The following MDGA2 variants were observed in gnomAD, a reference collection of about 807,000 sequenced individuals.
MDGA2 encodes the protein MAM domain-containing glycosylphosphatidylinositol anchor protein 2.
MDGA2 carries 40 observed loss-of-function variants against 117.8 expected under a neutral mutation model. That is an observed-to-expected ratio of 0.34 (90% CI 0.26 to 0.44). The LOEUF is 0.44. MDGA2 is among the 20% of genes least tolerant of loss of function. The probability of loss-of-function intolerance (pLI) is 1.00; values close to 1 mark genes in which losing one functional copy is unlikely to be tolerated. For synonymous variants in MDGA2, 452 were observed against 439.0 expected, an observed-to-expected ratio of 1.03 and a Z score of -0.37; for missense variants, 1,123 against 1,250.6, an observed-to-expected ratio of 0.90 and a Z score of 1.54.
intron 10 of MDGA2, among the ~76,000 whole-genome samples, chr14:46,912,296 T>G (rs1595039508): frequency 6.6e-6 from 1 of 152,196 alleles, no homozygotes; most frequent in Non-Finnish European, 1.5e-5. Context: ...CTTCTTAGTT[T>G]CCATACAAAT....
At chr14:47,121,086 ACT>A (rs1051545004) in intron 5 of MDGA2, among the ~76,000 whole-genome samples, 39 of 152,152 alleles carry the variant, frequency 2.6e-4, no homozygotes, top group African/African-American at 8.9e-4. Context: ...GGGGGGAAAA[ACT>A]CACTCATTTA....
chr14:46,872,513 A>C (rs1442125990), intron 14 of MDGA2, among the ~76,000 whole-genome samples: 1 of 151,910 alleles, frequency 6.6e-6, no homozygotes, highest in East Asian at 1.9e-4. Context: ...TTCATTATTT[A>C]GAATTTTGTC....
chr14:47,053,828 C>T (rs180830824), intron 7 of MDGA2, among the ~76,000 whole-genome samples: 30 of 151,828 alleles, frequency 2.0e-4, no homozygotes, highest in South Asian at 1.9e-3. Flanking sequence ...GGTTATTTCG[C>T]TTCTCTCTGC....
At chr14:47,534,359 T>C (rs1474156365) in intron 1 of MDGA2, among the ~76,000 whole-genome samples, 1 of 152,174 alleles carries the variant, frequency 6.6e-6, no homozygotes, top group East Asian at 1.9e-4. Context: ...GCAGCTGTAT[T>C]AGTCCATTCT....
chr14:47,573,342 T>C (rs1896056367), intron 1 of MDGA2, among the ~76,000 whole-genome samples: 1 of 152,168 alleles, frequency 6.6e-6, no homozygotes, highest in Non-Finnish European at 1.5e-5. Flanking sequence ...CATAGACTAT[T>C]ACTAGCTCTG....
intron 1 of MDGA2, among the ~76,000 whole-genome samples, chr14:47,392,966 G>A (rs1891929953): frequency 6.6e-6 from 1 of 151,896 alleles, no homozygotes; most frequent in Admixed American, 6.6e-5. Flanking sequence ...GGAAATATCA[G>A]ATCAGACCAG....
At chr14:47,652,206 C>T (rs1202708251) in intron 1 of MDGA2, among the ~76,000 whole-genome samples, 1 of 152,154 alleles carries the variant, frequency 6.6e-6, no homozygotes, top group African/African-American at 2.4e-5. Flanking sequence ...ATATAATTAT[C>T]TGCTAGAAAG....
chr14:47,307,613 G>A (rs1889495067), intron 1 of MDGA2, among the ~76,000 whole-genome samples: 3 of 152,054 alleles, frequency 2.0e-5, no homozygotes, highest in African/African-American at 4.8e-5. Context: ...CCCAGGAGGC[G>A]GAGGTTGCAG....
At chr14:47,050,643 C>T (rs1444328878) in intron 7 of MDGA2, among the ~76,000 whole-genome samples, 1 of 151,982 alleles carries the variant, frequency 6.6e-6, no homozygotes, top group Non-Finnish European at 1.5e-5. Flanking sequence ...TGTATCCACT[C>T]CAGTTGCAGT....
intron 2 of MDGA2, among the ~76,000 whole-genome samples, chr14:47,249,170 A>G (rs1887359910): frequency 6.6e-6 from 1 of 151,758 alleles, no homozygotes; most frequent in East Asian, 1.9e-4. Flanking sequence ...GGCACGCACC[A>G]CCATGCCCAG....
At chr14:47,367,068 T>C (rs1403915795) in intron 1 of MDGA2, among the ~76,000 whole-genome samples, 1 of 152,114 alleles carries the variant, frequency 6.6e-6, no homozygotes, top group African/African-American at 2.4e-5. Flanking sequence ...GAATAAAATC[T>C]GAGTTCATTA....
chr14:47,036,969 T>C (rs2138657612), intron 7 of MDGA2, among the ~76,000 whole-genome samples: 1 of 152,366 alleles, frequency 6.6e-6, no homozygotes, highest in East Asian at 1.9e-4. Context: ...GAAGTAGATA[T>C]ATACATCCTA....
intron 3 of MDGA2, among the ~76,000 whole-genome samples, chr14:47,212,428 T>A (rs996512060): frequency 1.3e-5 from 2 of 152,204 alleles, no homozygotes; most frequent in Non-Finnish European, 2.9e-5. Context: ...ATTAATTTTT[T>A]AAAAATCAAA....
intron 1 of MDGA2, among the ~76,000 whole-genome samples, chr14:47,530,448 A>G (rs569642373): frequency 4.6e-5 from 7 of 152,292 alleles, no homozygotes; most frequent in Non-Finnish European, 8.8e-5. Context: ...TTACTGATAT[A>G]CACACTATAT....
At chr14:46,976,262 TAAAAC>T (rs1390613449) in intron 8 of MDGA2, among the ~76,000 whole-genome samples, 1 of 151,912 alleles carries the variant, frequency 6.6e-6, no homozygotes, top group Non-Finnish European at 1.5e-5. Context: ...GTCAGTGGCT[TAAAAC>T]AAACAAAAAA....
chr14:47,330,820 G>C (rs1460781347), intron 1 of MDGA2, among the ~76,000 whole-genome samples: 3 of 151,840 alleles, frequency 2.0e-5, no homozygotes, highest in Non-Finnish European at 4.4e-5. Context: ...TGAGTAAAAT[G>C]AAGAATCCAT....
chr14:47,306,531 T>C lies in MDGA2; in HGVS notation c.281-4981A>G, dbSNP rs375463949. On this transcript the variant is annotated intron_variant, in intron 1 of 16. Transcript: ENST00000399232. ...GTTTTGGTACAAGGAGCTTCCTCTC[T>C]GCTAAGAGCTTCAAGTAAGAGCCTG... Among the ~76,000 whole-genome samples, 220 of 152,262 alleles carry C rather than the reference T, an allele frequency of 1.4e-3. 1 individual carries two copies. The highest frequency in any genetic ancestry group is 5.2e-3 in the African/African-American group (215 of 41,558).
chr14:47,479,932 T>C (rs554894586), intron 1 of MDGA2, among the ~76,000 whole-genome samples: 1 of 152,232 alleles, frequency 6.6e-6, no homozygotes, highest in South Asian at 2.1e-4. Context: ...ATTTCTACTT[T>C]CCTTGCCACT....
At chr14:47,298,771 G>A (rs1191353870) in intron 2 of MDGA2, among the ~76,000 whole-genome samples, 3 of 143,726 alleles carry the variant, frequency 2.1e-5, no homozygotes, top group South Asian at 2.3e-4. Flanking sequence ...TGCAAGCTCC[G>A]CCTCCCAGGT....
Sources: allele counts gnomAD v4.1 joint callset (sites outside exome capture counted in the v4.1 genomes callset), GRCh38; gene constraint gnomAD v4.1.1; transcripts MANE v1.5; gene names NCBI Gene and HGNC (gene_info 2026-07-23, HGNC 2026-07-21).